Variants in KIAA0513 observed in about 807,000 individuals in gnomAD.
The protein encoded by KIAA0513 is uncharacterized protein KIAA0513.
Under a neutral mutation model 56.5 loss-of-function variants are expected in KIAA0513, and 39 were observed. The observed-to-expected ratio is 0.69, with a 90% confidence interval of 0.53 to 0.90. The LOEUF (loss-of-function observed/expected upper bound fraction) is 0.90. Among genes scored for constraint, KIAA0513 ranks in the 40% least tolerant of loss-of-function variants. The pLI, the probability that KIAA0513 is intolerant of heterozygous loss-of-function variation, is 0.00. For synonymous variants in KIAA0513, 268 were observed against 215.6 expected (o/e 1.24, Z -2.13); for missense variants, 591 against 535.2 (o/e 1.10, Z -1.03).
In KIAA0513 at chr16:85,089,842, C is replaced by A. The variant is rs539499613; in HGVS notation, c.*1517C>A. Reference sequence around the variant, plus strand: ...CATTCTCTAGAGACAACAGTCTGTGCTGCAGATTGGTTGGATCACAGAATG... The same window carrying A: ...CATTCTCTAGAGACAACAGTCTGTGATGCAGATTGGTTGGATCACAGAATG... On this transcript the variant is annotated 3_prime_UTR_variant, in exon 13 of 13. Transcript: ENST00000683363. This position sits in a 1 kb window ranked among gnomAD's most constrained non-coding sequence, Gnocchi z 4.2. 1 of 152,298 alleles carries A rather than the reference C, an allele frequency of 6.6e-6. No individual in the cohort carries two copies. The highest frequency in any genetic ancestry group is 2.1e-4 in the South Asian group (1 of 4,824). 9.4% of individuals were successfully genotyped at this position (152,298 alleles called of 1,614,324 possible).
intron 1 of KIAA0513, among the ~76,000 whole-genome samples, chr16:85,034,313 G>C (rs1027464267): frequency 1.3e-5 from 2 of 152,160 alleles, no homozygotes; most frequent in Non-Finnish European, 2.9e-5. Context: ...CTGGGGGGTG[G>C]AGGCTGCAAT....
intron 1 of KIAA0513, 125 bp downstream of exon 1, chr16:85,027,983 G>A (rs1443687741): frequency 2.0e-5 from 3 of 152,258 alleles, no homozygotes; most frequent in African/African-American, 7.2e-5. Context: ...GTGGGGCGAG[G>A]GGCGCGGGGA....
intron 1 of KIAA0513, among the ~76,000 whole-genome samples, chr16:85,036,404 A>G (rs1193916732): frequency 6.6e-6 from 1 of 152,158 alleles, no homozygotes. Context: ...CCTGCTCTGG[A>G]CATTTCGTAA....
chr16:85,067,780 G>A (rs995471082), intron 2 of KIAA0513, among the ~76,000 whole-genome samples: 5 of 151,856 alleles, frequency 3.3e-5, no homozygotes, highest in Non-Finnish European at 7.4e-5. Flanking sequence ...GCTCCATTAT[G>A]TTCTTTTTGT....
intron 10 of KIAA0513, 46 bp from the exon 11 acceptor site, chr16:85,086,598 G>T: frequency 6.4e-7 from 1 of 1,569,820 alleles, no homozygotes; most frequent in Non-Finnish European, 8.7e-7. Flanking sequence ...CTGGGGCAAG[G>T]ACAGCACCAT....
intron 10 of KIAA0513, among the ~76,000 whole-genome samples, chr16:85,083,325 G>A (rs757835263): frequency 1.3e-5 from 2 of 152,132 alleles, no homozygotes; most frequent in Admixed American, 1.3e-4. Flanking sequence ...TCCCTGAGAC[G>A]ATGGCTCTTT....
chr16:85,052,975 C>T (rs2073275501), intron 1 of KIAA0513, among the ~76,000 whole-genome samples: 1 of 152,084 alleles, frequency 6.6e-6, no homozygotes, highest in African/African-American at 2.4e-5. Context: ...ACTGCAACCT[C>T]CTCCCAGGTT....
intron 1 of KIAA0513, among the ~76,000 whole-genome samples, chr16:85,060,333 G>A (rs2073386139): frequency 6.6e-6 from 1 of 152,200 alleles, no homozygotes; most frequent in Non-Finnish European, 1.5e-5. Context: ...TGGGCTGCCA[G>A]GGAGTTGGCA....
chr16:85,043,173 AC>A (rs2073125988), intron 1 of KIAA0513, among the ~76,000 whole-genome samples: 1 of 152,146 alleles, frequency 6.6e-6, no homozygotes, highest in African/African-American at 2.4e-5. Context: ...ACTTGAAAAA[AC>A]AGCTGTGTAG....
intron 1 of KIAA0513, among the ~76,000 whole-genome samples, chr16:85,056,701 G>A (rs9939536): frequency 0.4 from 61,312 of 151,840 alleles, 13,905 homozygotes; most frequent in African/African-American, 0.62. Flanking sequence ...TTATTTAGAT[G>A]CTTGTCTTCT....
chr16:85,072,024 T>G lies in KIAA0513; in HGVS notation c.429+142T>G, dbSNP rs571425067. On this transcript the variant is annotated intron_variant, in intron 3 of 12. Transcript: ENST00000683363. ...GACCCAACAGTAAAAAAAGTAAAAC[T>G]TATCCAAAAATACTCTGAAAAGGAG... 1.8e-4 allele frequency: 115 copies of G among 627,608 alleles called. No homozygotes were observed. The African/African-American group carries it at 2.0e-3, about 11-fold the overall frequency. 38.9% of individuals were successfully genotyped at this position (627,608 alleles called of 1,614,324 possible). A position where few individuals can be genotyped will look rare whatever the true frequency, so the allele number is the denominator to read the frequency against.
Position 85,073,009 on chromosome 16 carries a change from C to T in KIAA0513, c.503+11C>T. 1.2e-6 allele frequency: 2 copies of T among 1,610,944 alleles called. No homozygotes were observed. The highest frequency in any genetic ancestry group is 1.7e-6 in the Non-Finnish European group (2 of 1,177,386). ...AGTGGTGCTGTTCGAGTAAGTAATG[C>T]CGTGGCACAAAGCCTTTGTCCTGGC... is the stretch of plus-strand genomic sequence containing the variant. On this transcript the variant is annotated intron_variant, in intron 4 of 12. Transcript: ENST00000683363.
In KIAA0513 at chr16:85,052,939, G is replaced by C. The variant is rs559263930; in HGVS notation, c.-172-13961G>C. Among the ~76,000 whole-genome samples, 385 of 152,090 alleles carry C rather than the reference G, an allele frequency of 2.5e-3. 1 individual carries two copies. Among genetic ancestry groups the C allele is most frequent in the Middle Eastern group, 0.014 (4 of 294 alleles). On this transcript the variant is annotated intron_variant, in intron 1 of 12. Coordinates refer to ENST00000683363, the MANE Select transcript of KIAA0513 (RefSeq NM_001388359.1). ...ACCGTCTCGCTCTGTCACCCAGGCT[G>C]GAGTGCAGTGGCACGATCTCGGCTC...
At chr16:85,062,244 G>T (rs1018178780) in intron 1 of KIAA0513, among the ~76,000 whole-genome samples, 3 of 151,590 alleles carry the variant, frequency 2.0e-5, no homozygotes, top group Non-Finnish European at 2.9e-5. Flanking sequence ...ACCCCATAAG[G>T]TCTCACTCAT....
rs781046094 is a variant in KIAA0513, at chr16:85,067,131, C to T, written c.60C>T (p.Thr20=). ...SLIDFGPEAP[T]SSPLEAPPPV... is the part of the protein sequence containing the mutation. ...TCGACTTTGGGCCTGAGGCACCCAC[C>T]TCTTCTCCCCTGGAGGCACCACCCC... Residue 20 remains threonine, a synonymous_variant, in exon 2 of 13, where the codon ACC becomes ACT. Coordinates refer to ENST00000683363, the MANE Select transcript of KIAA0513 (RefSeq NM_001388359.1). The T allele has an allele frequency of 6.2e-6, 10 of 1,612,820 alleles. No individual in the cohort carries two copies. Among genetic ancestry groups the T allele is most frequent in the African/African-American group, 1.3e-5 (1 of 74,906 alleles).
At chr16:85,068,920 C>T (rs2073531005) in intron 2 of KIAA0513, among the ~76,000 whole-genome samples, 1 of 152,144 alleles carries the variant, frequency 6.6e-6, no homozygotes, top group Non-Finnish European at 1.5e-5. Flanking sequence ...CCCTAGCGCT[C>T]CTTGTCACAG....
chr16:85,077,975 G>C (rs1416913607), intron 6 of KIAA0513, among the ~76,000 whole-genome samples: 1 of 152,214 alleles, frequency 6.6e-6, no homozygotes, highest in Non-Finnish European at 1.5e-5. Context: ...ACGGTCTTGA[G>C]TCGCAGGAGA....
chr16:85,071,980 G>C, intron 3 of KIAA0513, 98 bp downstream of exon 3: 1 of 817,222 alleles, frequency 1.2e-6, no homozygotes, highest in Non-Finnish European at 2.0e-6. Context: ...ACACTCTGGA[G>C]AAAAGAGTCA....
In KIAA0513 at chr16:85,029,035, G is replaced by C. The variant is rs796638465; in HGVS notation, c.-173+1177G>C. ...GGTTTGGGTAATATTGCATGTGAGC[G>C]TTCCTTCCTGTCTTCCCCCCATTTC... On this transcript the variant is annotated intron_variant, in intron 1 of 12. Coordinates refer to ENST00000683363, the MANE Select transcript of KIAA0513 (RefSeq NM_001388359.1). Among the ~76,000 whole-genome samples, 4 of 152,218 alleles carry C rather than the reference G, an allele frequency of 2.6e-5. No individual in the cohort carries two copies. In the East Asian group the frequency reaches 5.8e-4, roughly 22 times the overall value.
Sources: gnomAD v4.1 joint callset for allele counts (sites outside exome capture counted in the v4.1 genomes callset) on GRCh38, gnomAD v4.1.1 for gene constraint, Gnocchi (gnomAD v3.1) non-coding constraint, MANE v1.5 for transcripts, NCBI Gene and HGNC (gene_info 2026-07-23, HGNC 2026-07-21) for gene names.